SNTB1: variants seen among roughly 807,000 people sequenced by gnomAD.
The protein encoded by SNTB1 is syntrophin beta 1.
Under a neutral mutation model 48.9 loss-of-function variants are expected in SNTB1, and 36 were observed. That is an observed-to-expected ratio of 0.74 (90% CI 0.56 to 0.97). SNTB1 has a LOEUF of 0.97. SNTB1 is among the 50% of genes least tolerant of loss of function. SNTB1 has a pLI of 0.00. For missense variants in SNTB1, 786 were observed against 703.4 expected (o/e 1.12, Z -1.33); for synonymous variants, 299 against 294.6 (o/e 1.01, Z -0.15).
chr8:120,738,653 G>A (rs1313924773), intron 1 of SNTB1, among the ~76,000 whole-genome samples: 1 of 150,558 alleles, frequency 6.6e-6, no homozygotes, highest in Non-Finnish European at 1.5e-5. Context: ...TTCTACAGCT[G>A]TTACTGGAGG....
intron 1 of SNTB1, among the ~76,000 whole-genome samples, chr8:120,782,942 T>C (rs1353615274): frequency 6.6e-6 from 1 of 152,208 alleles, no homozygotes; most frequent in Non-Finnish European, 1.5e-5. Context: ...CATGCACTGG[T>C]CTTTATACTA....
At chr8:120,539,187 G>T (rs562995561) in intron 6 of SNTB1, among the ~76,000 whole-genome samples, 1 of 152,158 alleles carries the variant, frequency 6.6e-6, no homozygotes, top group East Asian at 1.9e-4. Flanking sequence ...TAGTTCCTGT[G>T]AAATTTAGAT....
intron 2 of SNTB1, among the ~76,000 whole-genome samples, chr8:120,692,065 G>C (rs1818138071): frequency 6.6e-6 from 1 of 152,156 alleles, no homozygotes; most frequent in Non-Finnish European, 1.5e-5. Flanking sequence ...CAGTCTGTCT[G>C]CTCTTACCCC....
At chr8:120,769,177 C>T (rs1052287743) in intron 1 of SNTB1, 1 of 152,200 alleles carries the variant, frequency 6.6e-6, no homozygotes, top group African/African-American at 2.4e-5. Context: ...AACAAGCCCC[C>T]ATTTCAGCTG....
intron 2 of SNTB1, among the ~76,000 whole-genome samples, chr8:120,684,400 T>G (rs1340535335): frequency 6.6e-6 from 1 of 152,114 alleles, no homozygotes; most frequent in African/African-American, 2.4e-5. Flanking sequence ...CTTAACTCAT[T>G]CCAGCATCAA....
At chr8:120,667,367 C>A (rs910162896) in intron 2 of SNTB1, among the ~76,000 whole-genome samples, 3 of 151,794 alleles carry the variant, frequency 2.0e-5, no homozygotes, top group African/African-American at 7.3e-5. Flanking sequence ...GTTTTGTGGT[C>A]GTGGAAATGG....
In SNTB1 at chr8:120,624,058, C is replaced by A. The variant is rs868234800; in HGVS notation, c.996+8386G>T. The stretch of plus-strand genomic sequence containing the variant: ...GTTGAAGTGATGCTCCTGCCTCAGC[C>A]TCTTGATTAGCTGGGACTACAGGCA... On this transcript the variant is annotated intron_variant, in intron 3 of 6. Transcript: ENST00000517992. Among the ~76,000 whole-genome samples the A allele has an allele frequency of 5.9e-5, 9 of 152,252 alleles. 1 individual carries two copies. In the South Asian group the frequency reaches 1.4e-3, roughly 25 times the overall value.
At chr8:120,608,128 T>C (rs141134104) in intron 3 of SNTB1, among the ~76,000 whole-genome samples, 1 of 152,332 alleles carries the variant, frequency 6.6e-6, no homozygotes, top group East Asian at 1.9e-4. Context: ...AGCTGCTCTG[T>C]AGGAACCCAC....
At chr8:120,652,853 G>A (rs1817431661) in intron 2 of SNTB1, among the ~76,000 whole-genome samples, 1 of 152,168 alleles carries the variant, frequency 6.6e-6, no homozygotes, top group African/African-American at 2.4e-5. Context: ...AACTACATTA[G>A]TGAACATAAT....
chr8:120,585,610 TG>T (rs1816126671), intron 3 of SNTB1, among the ~76,000 whole-genome samples: 1 of 152,248 alleles, frequency 6.6e-6, no homozygotes, highest in Non-Finnish European at 1.5e-5. Flanking sequence ...TGGTCCCTTA[TG>T]TTTACTCTTT....
At chr8:120,752,886 T>C (rs1819246539) in intron 1 of SNTB1, among the ~76,000 whole-genome samples, 1 of 150,240 alleles carries the variant, frequency 6.7e-6, no homozygotes, top group African/African-American at 2.5e-5. Context: ...ACTCGCTACC[T>C]GGGTAATGAA....
intron 1 of SNTB1, among the ~76,000 whole-genome samples, chr8:120,773,110 A>G (rs1465939220): frequency 2.6e-5 from 4 of 152,214 alleles, no homozygotes; most frequent in Admixed American, 2.6e-4. Flanking sequence ...TGAAATAATA[A>G]TTTTAAAAAA....
At chr8:120,648,853 G>C (rs1563841403) in intron 2 of SNTB1, among the ~76,000 whole-genome samples, 1 of 152,120 alleles carries the variant, frequency 6.6e-6, no homozygotes, top group East Asian at 1.9e-4. Flanking sequence ...TTTCTTGGAG[G>C]CTTTGTTCAT....
intron 1 of SNTB1, among the ~76,000 whole-genome samples, chr8:120,744,859 A>G (rs969192104): frequency 3.3e-5 from 5 of 152,230 alleles, no homozygotes; most frequent in Admixed American, 6.5e-5. Flanking sequence ...GAAATAATAT[A>G]ATACCATAAT....
rs397974441 is a variant in SNTB1, at chr8:120,610,146, CT to C, written c.996+22297del. Among the ~76,000 whole-genome samples, 641 of 150,080 alleles carry C rather than the reference CT, an allele frequency of 4.3e-3. 5 individuals are homozygous for C. Among genetic ancestry groups the C allele is most frequent in the Non-Finnish European group, 7.9e-3 (532 of 67,268 alleles). The stretch of plus-strand genomic sequence containing the variant: ...TATTATTCACTATTTGATTTTGAAA[CT>C]TTTTTTTTTGAGATAGTCTCACTCT... On this transcript the variant is annotated intron_variant, in intron 3 of 6. Coordinates refer to ENST00000517992, the MANE Select transcript of SNTB1 (RefSeq NM_021021.4).
At chr8:120,784,401 T>C (rs1172520317) in intron 1 of SNTB1, among the ~76,000 whole-genome samples, 1 of 152,078 alleles carries the variant, frequency 6.6e-6, no homozygotes, top group Non-Finnish European at 1.5e-5. Flanking sequence ...CTAGATCTCC[T>C]ATAATATCTC....
chr8:120,738,585 CTTCT>C (rs778159902), intron 1 of SNTB1, among the ~76,000 whole-genome samples: 1 of 147,068 alleles, frequency 6.8e-6, no homozygotes, highest in Non-Finnish European at 1.5e-5. Context: ...TCCTTCCTTC[CTTCT>C]TAGTGTAACA....
intron 2 of SNTB1, among the ~76,000 whole-genome samples, chr8:120,634,777 AG>A (rs1817045725): frequency 6.6e-6 from 1 of 152,220 alleles, no homozygotes. Flanking sequence ...TCTTACCACA[AG>A]CATTAAGTTG....
intron 1 of SNTB1, among the ~76,000 whole-genome samples, chr8:120,777,946 A>C (rs1273389077): frequency 6.6e-6 from 1 of 152,172 alleles, no homozygotes; most frequent in Non-Finnish European, 1.5e-5. Context: ...CAGCAGAAAC[A>C]CTTTGGTTAG....
Sources: allele counts gnomAD v4.1 joint callset (sites outside exome capture counted in the v4.1 genomes callset), GRCh38; gene constraint gnomAD v4.1.1; transcripts MANE v1.5; gene names NCBI Gene and HGNC (gene_info 2026-07-23, HGNC 2026-07-21).